Variants in AK9 observed in about 807,000 individuals in gnomAD.
AK9 encodes adenylate kinase 9.
AK9 carries 191 observed loss-of-function variants against 239.6 expected under a neutral mutation model. That is an observed-to-expected ratio of 0.80 (90% CI 0.71 to 0.90). The LOEUF (loss-of-function observed/expected upper bound fraction) is 0.90. Among genes scored for constraint, AK9 ranks in the 40% least tolerant of loss-of-function variants. AK9 has a pLI of 0.00. For missense variants in AK9, 1,995 were observed against 2,214.7 expected (o/e 0.90, Z 1.99); for synonymous variants, 689 against 721.0 (o/e 0.96, Z 0.71).
intron 10 of AK9, among the ~76,000 whole-genome samples, chr6:109,637,569 T>G (rs1274513437): frequency 6.6e-6 from 1 of 152,186 alleles, no homozygotes; most frequent in African/African-American, 2.4e-5. Flanking sequence ...GCCTTTGATG[T>G]CATATCCTAT....
Position 109,509,326 on chromosome 6 carries a change from G to A in AK9, c.4334C>T (p.Ala1445Val). 1 of 1,551,602 alleles carries A rather than the reference G, an allele frequency of 6.4e-7. No individual in the cohort carries two copies. The highest frequency in any genetic ancestry group is 8.7e-7 in the Non-Finnish European group (1 of 1,146,970). The change falls in exon 33 of 41, where the codon GCT (alanine) becomes GTT (valine). Residue 1445 changes from alanine (A) to valine (V), a missense_variant. By Grantham distance (64) the Ala-to-Val change is moderately conservative (BLOSUM62 0). Transcript: ENST00000424296. ...YGLKHLSIGG[A>V]LRYVLNNHPE... ...GTGATTGTTTAGTACATAACGCAAAGCTCCTCCTATTGATAAATGCTTTAA... is the reference window on the plus strand; with the variant it reads ...GTGATTGTTTAGTACATAACGCAAAACTCCTCCTATTGATAAATGCTTTAA...
At chr6:109,654,171 A>G (rs1799360448) in intron 8 of AK9, among the ~76,000 whole-genome samples, 1 of 152,112 alleles carries the variant, frequency 6.6e-6, no homozygotes, top group African/African-American at 2.4e-5. Flanking sequence ...AGTTTGAACA[A>G]AATCATCTCT....
chr6:109,516,580 A>G lies in AK9; in HGVS notation c.3696T>C (p.Ile1232=), dbSNP rs373582774. ...EEELEEDNDD[I]ENILEDEFPK... Reference sequence around the variant, plus strand: ...GAAACTCATCTTCAAGGATGTTTTCAATATCATCATTGTCTTCTTCAAGTT... The same window carrying G: ...GAAACTCATCTTCAAGGATGTTTTCGATATCATCATTGTCTTCTTCAAGTT... Residue 1232 remains isoleucine (I), a synonymous_variant, in exon 30 of 41, where the codon ATT becomes ATC. Coordinates refer to ENST00000424296, the MANE Select transcript of AK9 (RefSeq NM_001145128.3). The G allele has an allele frequency of 1.9e-6, 3 of 1,550,962 alleles. No individual in the cohort carries two copies. The highest frequency in any genetic ancestry group is 2.7e-5 in the African/African-American group (2 of 73,028).
chr6:109,590,467 TTATC>T (rs1429958712), intron 17 of AK9, among the ~76,000 whole-genome samples: 2 of 143,590 alleles, frequency 1.4e-5, no homozygotes, highest in East Asian at 2.4e-4. Context: ...TTTCACTTGA[TTATC>T]TAGCTATCAA....
chr6:109,528,532 T>A (rs201361996), intron 29 of AK9: 1 of 456,580 alleles, frequency 2.2e-6, no homozygotes. Context: ...TTTTTTCTTA[T>A]CTACTTTTGG....
chr6:109,588,559 G>A (rs1219133266), intron 17 of AK9, among the ~76,000 whole-genome samples: 1 of 152,126 alleles, frequency 6.6e-6, no homozygotes, highest in African/African-American at 2.4e-5. Flanking sequence ...TGTTTACTCT[G>A]TTGATTATTT....
intron 2 of AK9, among the ~76,000 whole-genome samples, chr6:109,674,823 C>T (rs928122873): frequency 2.0e-5 from 3 of 152,130 alleles, no homozygotes; most frequent in African/African-American, 7.2e-5. Flanking sequence ...GTTGTTGAAA[C>T]CATTTATTGG....
At chr6:109,499,563 T>C (rs527636305) in intron 35 of AK9, among the ~76,000 whole-genome samples, 1 of 152,316 alleles carries the variant, frequency 6.6e-6, no homozygotes, top group African/African-American at 2.4e-5. Flanking sequence ...CAGTCAGTTA[T>C]GGTCTTTGAC....
Position 109,643,247 on chromosome 6 carries a change from G to A in AK9, c.834+1367C>T, listed in dbSNP as rs114753190. Among the ~76,000 whole-genome samples the A allele has an allele frequency of 5.7e-3, 875 of 152,320 alleles. 7 individuals carry two copies. The highest frequency in any genetic ancestry group is 0.019 in the African/African-American group (797 of 41,556). ...GAGATCACAGGTGATCTTGGCAAGA[G>A]CATGTCCCAAGTGAGGAGCTTCTCC... On this transcript the variant is annotated intron_variant, in intron 9 of 40. Transcript: ENST00000424296.
chr6:109,675,575 A>T, intron 2 of AK9, 54 bp downstream of exon 2: 1 of 1,149,218 alleles, frequency 8.7e-7, no homozygotes, highest in Non-Finnish European at 1.2e-6. Flanking sequence ...TAACTTAGAA[A>T]ATTGTGATTT....
intron 9 of AK9, among the ~76,000 whole-genome samples, chr6:109,641,927 A>G (rs1167053989): frequency 2.0e-5 from 3 of 152,198 alleles, no homozygotes; most frequent in Non-Finnish European, 4.4e-5. Flanking sequence ...CAGGGCCTCA[A>G]CATATCTTTT....
In AK9 at chr6:109,546,145, T is replaced by TA; in HGVS notation, c.2965-19_2965-18insT. ...GGAGGAGCCTGTCACAGGGGGTGGG[T>TA]CAGGGAGGGGTGGGATAAAGGGAGA... On this transcript the variant is annotated intron_variant, in intron 25 of 40. Coordinates refer to ENST00000424296, the MANE Select transcript of AK9 (RefSeq NM_001145128.3). The TA allele has an allele frequency of 1.5e-6, 1 of 689,104 alleles. No individual in the cohort carries two copies. Among genetic ancestry groups the TA allele is most frequent in the Non-Finnish European group, 2.4e-6 (1 of 421,054 alleles). The allele number at this position is 689,104 out of a possible 1,614,324, so 42.7% of individuals were successfully genotyped here.
chr6:109,509,425 C>A (rs975211753), intron 32 of AK9, 45 bp from the exon 33 acceptor site: 6 of 1,493,420 alleles, frequency 4.0e-6, no homozygotes, highest in South Asian at 1.2e-5. Flanking sequence ...GATTTAGATT[C>A]AGGGGGGACA....
intron 15 of AK9, among the ~76,000 whole-genome samples, chr6:109,612,969 T>C (rs1203073937): frequency 6.7e-6 from 1 of 148,830 alleles, no homozygotes; most frequent in Non-Finnish European, 1.5e-5. Context: ...ATTATTTATA[T>C]ATAAAAAGTC....
At chr6:109,641,651 C>T in intron 9 of AK9, 35 bp from the exon 10 acceptor site, 1 of 1,539,610 alleles carries the variant, frequency 6.5e-7, no homozygotes. Context: ...ACTACATTGG[C>T]ATCTGAATAT....
intron 26 of AK9, among the ~76,000 whole-genome samples, chr6:109,544,469 C>G (rs1052743801): frequency 1.3e-5 from 2 of 152,056 alleles, no homozygotes; most frequent in Non-Finnish European, 2.9e-5. Flanking sequence ...ACCATTACCC[C>G]CTTGGTACTG....
chr6:109,573,662 A>C (rs951853395), intron 20 of AK9, 68 bp from the exon 21 acceptor site: 2 of 1,420,794 alleles, frequency 1.4e-6, no homozygotes, highest in South Asian at 2.8e-5. Context: ...GGTGTTGATA[A>C]GTGCTGAAGC....
rs557714379 is a variant in AK9 at position 109,645,358 on chromosome 6, T to C, written c.760-670A>G. On this transcript the variant is annotated intron_variant, in intron 8 of 40. Coordinates refer to ENST00000424296, the MANE Select transcript of AK9 (RefSeq NM_001145128.3). ...GAAAATCGGGACACTCCTGCCCTAA[T>C]ACTGCGCTTTTCCAACAGTCTTAGC... 5.3e-5 allele frequency among the ~76,000 whole-genome samples: 8 copies of C among 152,340 alleles called. No individual in the cohort carries two copies. In the East Asian group the frequency reaches 1.4e-3, roughly 26 times the overall value.
intron 29 of AK9, among the ~76,000 whole-genome samples, chr6:109,526,505 A>G (rs1210987194): frequency 2.6e-5 from 4 of 152,148 alleles, no homozygotes; most frequent in African/African-American, 9.7e-5. Flanking sequence ...GCTGTGTTAC[A>G]ACTGTCTACT....
Sources: gnomAD v4.1 joint callset for allele counts (sites outside exome capture counted in the v4.1 genomes callset) on GRCh38, gnomAD v4.1.1 for gene constraint, MANE v1.5 for transcripts, NCBI Gene and HGNC (gene_info 2026-07-23, HGNC 2026-07-21) for gene names.